ABI3BP: variants seen among roughly 807,000 people sequenced by gnomAD.
ABI3BP encodes the protein target of Nesh-SH3.
A neutral mutation model predicts 268.6 loss-of-function variants in ABI3BP; 216 were observed. That is an observed-to-expected ratio of 0.80 (90% CI 0.72 to 0.90). ABI3BP has a LOEUF of 0.90. Among genes scored for constraint, ABI3BP ranks in the 40% least tolerant of loss-of-function variants. ABI3BP has a pLI of 0.00. For missense variants in ABI3BP, 2,090 were observed against 2,182.4 expected, an observed-to-expected ratio of 0.96 and a Z score of 0.84; for synonymous variants, 730 against 730.0, an observed-to-expected ratio of 1.00 and a Z score of 0.00.
At position 100,860,462 on chromosome 3, in the gene ABI3BP, G is replaced by A. The variant is rs115131493; in HGVS notation, c.1285+1849C>T. ...GAGTCAGTTTCCTTCTGCATTAGCCGCTGCTCATACTCCTTCAGGGCAAAA... is the reference window on the plus strand; with the variant it reads ...GAGTCAGTTTCCTTCTGCATTAGCCACTGCTCATACTCCTTCAGGGCAAAA... On this transcript the variant is annotated intron_variant, in intron 14 of 67. Coordinates refer to ENST00000471714, the MANE Select transcript of ABI3BP (RefSeq NM_001375547.2). Among the ~76,000 whole-genome samples the A allele has an allele frequency of 3.1e-3, 472 of 152,216 alleles. 5 individuals are homozygous for A. The highest frequency in any genetic ancestry group is 0.011 in the African/African-American group (451 of 41,514).
chr3:100,766,559 T>G (rs2096278287), intron 62 of ABI3BP, among the ~76,000 whole-genome samples: 1 of 152,226 alleles, frequency 6.6e-6, no homozygotes, highest in South Asian at 2.1e-4. Context: ...CCATGATTAT[T>G]TTCCTTGTAT....
chr3:100,918,172 A>G lies in ABI3BP; in HGVS notation c.259+8130T>C, dbSNP rs917695283. Among the ~76,000 whole-genome samples, 8 of 152,306 alleles carry G rather than the reference A, an allele frequency of 5.3e-5. No individual in the cohort carries two copies. The South Asian group carries it at 1.0e-3, about 20-fold the overall frequency. On this transcript the variant is annotated intron_variant, in intron 2 of 67. Coordinates refer to ENST00000471714, the MANE Select transcript of ABI3BP (RefSeq NM_001375547.2). ...CAAAGAAATAACTAAGAATTAGATGACATTTTGAAAATAATTTTAAAAGAG... is the reference window on the plus strand; with the variant it reads ...CAAAGAAATAACTAAGAATTAGATGGCATTTTGAAAATAATTTTAAAAGAG...
intron 22 of ABI3BP, among the ~76,000 whole-genome samples, 199 bp downstream of exon 22, chr3:100,840,621 G>A (rs2098679850): frequency 1.3e-5 from 2 of 152,000 alleles, no homozygotes; most frequent in African/African-American, 2.4e-5. Context: ...ATTATGTCAG[G>A]ACAGGCAACT....
chr3:100,848,741 A>G, intron 18 of ABI3BP, 60 bp downstream of exon 18: 5 of 1,537,026 alleles, frequency 3.3e-6, no homozygotes, highest in Admixed American at 1.7e-5. Context: ...TTCTTACTAT[A>G]AGAAAATGGA....
chr3:100,857,797 TAATTCTG>T (rs1446817685), intron 14 of ABI3BP, among the ~76,000 whole-genome samples: 1 of 152,194 alleles, frequency 6.6e-6, no homozygotes, highest in Non-Finnish European at 1.5e-5. Flanking sequence ...TAAAAGACAA[TAATTCTG>T]CCAGTTTCTA....
chr3:100,956,167 C>T (rs557603920), intron 1 of ABI3BP, among the ~76,000 whole-genome samples: 8 of 147,400 alleles, frequency 5.4e-5, no homozygotes, highest in South Asian at 4.3e-4. Context: ...CTAGCCTGGG[C>T]GACAGAGCAA....
intron 18 of ABI3BP, 54 bp from the exon 19 acceptor site, chr3:100,847,727 A>C (rs3806656): frequency 1.0e-5 from 15 of 1,434,024 alleles, no homozygotes; most frequent in East Asian, 4.6e-5. Flanking sequence ...ATAAAAAGAC[A>C]CCCTCTAAAG....
intron 13 of ABI3BP, 145 bp downstream of exon 13, chr3:100,862,693 T>A (rs913416505): frequency 1.6e-6 from 1 of 633,996 alleles, no homozygotes; most frequent in Non-Finnish European, 2.6e-6. Flanking sequence ...CAAATAGATT[T>A]ATTAAAAAAA....
chr3:100,960,711 G>A (rs1475779388), intron 1 of ABI3BP, among the ~76,000 whole-genome samples: 1 of 152,210 alleles, frequency 6.6e-6, no homozygotes, highest in Non-Finnish European at 1.5e-5. Context: ...CTTTGAAGAT[G>A]AAGGAAGGGA....
intron 63 of ABI3BP, among the ~76,000 whole-genome samples, chr3:100,762,370 A>T (rs868475052): frequency 5.3e-4 from 80 of 152,350 alleles, no homozygotes; most frequent in South Asian, 4.1e-4. Context: ...TAAATCATGT[A>T]TATGGATTTG....
At chr3:100,794,034 T>C (rs1188018681) in intron 54 of ABI3BP, among the ~76,000 whole-genome samples, 1 of 152,060 alleles carries the variant, frequency 6.6e-6, no homozygotes, top group Non-Finnish European at 1.5e-5. Context: ...CCTTGCCCTG[T>C]GCCTCTTTCC....
intron 24 of ABI3BP, among the ~76,000 whole-genome samples, chr3:100,838,953 G>A (rs761542037): frequency 7.2e-5 from 11 of 152,106 alleles, no homozygotes; most frequent in Non-Finnish European, 1.6e-4. Context: ...AAACTATAAT[G>A]AAATGATTAT....
intron 20 of ABI3BP, chr3:100,844,555 G>T (rs2098745846): frequency 1.6e-6 from 1 of 637,486 alleles, no homozygotes; most frequent in Non-Finnish European, 2.0e-6. Flanking sequence ...GCTTTGGGTG[G>T]TGTATTTGCT....
chr3:100,928,523 T>C (rs190251497), intron 1 of ABI3BP, among the ~76,000 whole-genome samples: 1 of 152,206 alleles, frequency 6.6e-6, no homozygotes, highest in East Asian at 1.9e-4. Context: ...TACCAAGTTG[T>C]GGGGATTATT....
At chr3:100,811,166 G>T in intron 48 of ABI3BP, 64 bp downstream of exon 48, 1 of 1,352,384 alleles carries the variant, frequency 7.4e-7, no homozygotes, top group Non-Finnish European at 1.0e-6. Flanking sequence ...AGACCCAGAG[G>T]TTCTCAGGCG....
At position 100,749,986 on chromosome 3, in the gene ABI3BP, AAAATTGAAGTTTAAATATAAATG is replaced by A. The variant is rs1469898592; in HGVS notation, c.*486_*508del. ...CTAAAAAATTGAAGTTTAAATATAA[AAAATTGAAGTTTAAATATAAATG>A]TGAAAATTCGGACCTTTTTTCCCCA... On this transcript the variant is annotated 3_prime_UTR_variant, in exon 68 of 68. Coordinates refer to ENST00000471714, the MANE Select transcript of ABI3BP (RefSeq NM_001375547.2). 2.8e-6 allele frequency: 1 copy of A among 358,550 alleles called. No individual in the cohort carries two copies. The highest frequency in any genetic ancestry group is 2.1e-5 in the African/African-American group (1 of 47,902). The allele number at this position is 358,550 out of a possible 1,614,324, so 22.2% of individuals were successfully genotyped here. A position where few individuals can be genotyped will look rare whatever the true frequency, so the allele number is the denominator to read the frequency against.
intron 1 of ABI3BP, among the ~76,000 whole-genome samples, chr3:100,959,216 C>T (rs13080859): frequency 0.1 from 15,677 of 152,026 alleles, 1,097 homozygotes; most frequent in Non-Finnish European, 0.15. Context: ...CTGGGCCGGG[C>T]GCGGTGGCTC....
chr3:100,979,487 C>T (rs1189441778), intron 1 of ABI3BP, among the ~76,000 whole-genome samples: 2 of 152,138 alleles, frequency 1.3e-5, no homozygotes. Context: ...AGGATCTTTA[C>T]TCTGTTAATG....
At chr3:100,770,442 C>T (rs7642942) in intron 62 of ABI3BP, among the ~76,000 whole-genome samples, 19,053 of 152,068 alleles carry the variant, frequency 0.13, 1,890 homozygotes, top group East Asian at 0.32. Context: ...ATGTAATTTT[C>T]TGGATAATGA....
Sources: allele counts gnomAD v4.1 joint callset (sites outside exome capture counted in the v4.1 genomes callset), GRCh38; gene constraint gnomAD v4.1.1; transcripts MANE v1.5; gene names NCBI Gene and HGNC (gene_info 2026-07-23, HGNC 2026-07-21).